Variants in BRDT observed in about 807,000 individuals in gnomAD.
BRDT encodes the protein bromodomain testis associated.
A neutral mutation model predicts 113.9 loss-of-function variants in BRDT; 77 were observed. The observed-to-expected ratio is 0.68, with a 90% confidence interval of 0.56 to 0.82. BRDT has a LOEUF of 0.82. BRDT is among the 40% of genes least tolerant of loss of function. The probability of loss-of-function intolerance (pLI) is 0.00; values close to 1 mark genes in which losing one functional copy is unlikely to be tolerated. For synonymous variants in BRDT, 358 were observed against 366.5 expected (o/e 0.98, Z 0.26); for missense variants, 1,027 against 1,105.4 (o/e 0.93, Z 1.01).
intron 15 of BRDT, among the ~76,000 whole-genome samples, chr1:91,997,910 G>C (rs911029073): frequency 1.3e-5 from 2 of 152,092 alleles, no homozygotes; most frequent in Non-Finnish European, 2.9e-5. Context: ...TAAATTTTTT[G>C]TTAAACCTTA....
At chr1:91,977,841 G>C (rs1366909706) in intron 6 of BRDT, among the ~76,000 whole-genome samples, 1 of 152,082 alleles carries the variant, frequency 6.6e-6, no homozygotes, top group Non-Finnish European at 1.5e-5. Flanking sequence ...CTGCACTCCA[G>C]GCTGGGTGAC....
At chr1:91,973,479 C>T (rs1373789255) in intron 4 of BRDT, among the ~76,000 whole-genome samples, 1 of 152,058 alleles carries the variant, frequency 6.6e-6, no homozygotes, top group Non-Finnish European at 1.5e-5. Flanking sequence ...TTGTAGTTCT[C>T]CTTGAAGAGG....
At chr1:91,957,654 G>A (rs1681934214) in intron 1 of BRDT, 1 of 152,050 alleles carries the variant, frequency 6.6e-6, no homozygotes, top group South Asian at 2.1e-4. Context: ...AACATTAATA[G>A]TTTCCATAGT....
intron 18 of BRDT, among the ~76,000 whole-genome samples, chr1:92,010,244 C>T (rs2101834791): frequency 6.7e-6 from 1 of 148,724 alleles, no homozygotes. Context: ...AAAGTTGCCT[C>T]ATAGCTCACT....
At chr1:92,005,418 C>A in intron 18 of BRDT, 119 bp downstream of exon 18, 1 of 882,222 alleles carries the variant, frequency 1.1e-6, no homozygotes, top group Non-Finnish European at 1.6e-6. Flanking sequence ...GGACTTACCT[C>A]TTTAGTGAGG....
At chr1:91,951,001 C>G (rs2101452935) in intron 1 of BRDT, among the ~76,000 whole-genome samples, 1 of 148,538 alleles carries the variant, frequency 6.7e-6, no homozygotes, top group East Asian at 2.0e-4. Flanking sequence ...GCACTCTAGC[C>G]TGGATGACAG....
At chr1:91,956,884 A>G (rs1474022364) in intron 1 of BRDT, among the ~76,000 whole-genome samples, 2 of 152,194 alleles carry the variant, frequency 1.3e-5, no homozygotes, top group Non-Finnish European at 2.9e-5. Flanking sequence ...GATTGCAGTG[A>G]GCCATGATTG....
At chr1:91,995,285 G>C (rs533313401) in intron 15 of BRDT, among the ~76,000 whole-genome samples, 1 of 152,216 alleles carries the variant, frequency 6.6e-6, no homozygotes, top group African/African-American at 2.4e-5. Flanking sequence ...CCCAAGGGCA[G>C]AGGTATCTCC....
intron 13 of BRDT, 47 bp downstream of exon 13, chr1:91,991,292 C>T (rs755245232): frequency 8.8e-7 from 1 of 1,137,574 alleles, no homozygotes. Flanking sequence ...GTATGTATAA[C>T]TCATGGGTAT....
intron 8 of BRDT, 128 bp downstream of exon 8, chr1:91,979,885 C>A (rs1350442688): frequency 2.8e-6 from 2 of 710,522 alleles, no homozygotes; most frequent in Non-Finnish European, 4.2e-6. Context: ...TACTTATTGG[C>A]AAATTTGTAA....
Position 91,978,226 on chromosome 1 carries a change from T to C in BRDT, c.1028T>C (p.Leu343Ser). 2 of 1,614,088 alleles carry C rather than the reference T, an allele frequency of 1.2e-6. No homozygotes were observed. Among genetic ancestry groups the C allele is most frequent in the South Asian group, 2.2e-5 (2 of 91,074 alleles). ...DAYKFAADVR[L>S]MFMNCYKYNP... ...TACAAATTTGCGGCAGATGTTAGAT[T>C]AATGTTCATGAATTGCTACAAGTAC... Residue 343 changes from leucine to serine, a missense_variant, in exon 7 of 19, where the codon TTA becomes TCA. Leu to Ser is a moderately radical substitution (Grantham distance 145). Transcript: ENST00000399546.
At chr1:91,987,535 G>A (rs1570571569) in intron 12 of BRDT, among the ~76,000 whole-genome samples, 1 of 150,478 alleles carries the variant, frequency 6.6e-6, no homozygotes, top group Non-Finnish European at 1.5e-5. Flanking sequence ...ACGGGGTTTC[G>A]CCATATTGGC....
At chr1:91,999,388 A>C (rs996271058) in intron 15 of BRDT, among the ~76,000 whole-genome samples, 68 of 152,154 alleles carry the variant, frequency 4.5e-4, no homozygotes, top group African/African-American at 1.6e-3. Context: ...AATATTTTTC[A>C]GAGAGTTGGA....
intron 2 of BRDT, among the ~76,000 whole-genome samples, chr1:91,963,384 AT>A (rs566473176): frequency 9.9e-5 from 15 of 152,270 alleles, no homozygotes; most frequent in East Asian, 3.9e-4. Context: ...CCCAATGAGT[AT>A]TTTTTTCCAA....
chr1:91,992,074 C>T (rs1297953339), intron 13 of BRDT, among the ~76,000 whole-genome samples, 190 bp from the exon 14 acceptor site: 1 of 147,230 alleles, frequency 6.8e-6, no homozygotes, highest in Non-Finnish European at 1.5e-5. Flanking sequence ...TTGTCATCCT[C>T]ATATACATTT....
intron 15 of BRDT, among the ~76,000 whole-genome samples, chr1:92,001,711 A>C (rs1427214771): frequency 6.6e-6 from 1 of 151,904 alleles, no homozygotes; most frequent in Non-Finnish European, 1.5e-5. Context: ...AAAAAAAAAA[A>C]CACACCTCTG....
chr1:91,958,008 T>A (rs1357148056), intron 1 of BRDT, among the ~76,000 whole-genome samples: 1 of 151,998 alleles, frequency 6.6e-6, no homozygotes, highest in Non-Finnish European at 1.5e-5. Flanking sequence ...CCTGGCTAAC[T>A]TTTGTATTTT....
At chr1:91,997,309 A>T (rs1686438041) in intron 15 of BRDT, among the ~76,000 whole-genome samples, 1 of 152,184 alleles carries the variant, frequency 6.6e-6, no homozygotes, top group African/African-American at 2.4e-5. Flanking sequence ...GAGTGTAGTG[A>T]ATGTAAAGCA....
chr1:91,978,109 TG>T, intron 6 of BRDT, 58 bp from the exon 7 acceptor site: 2 of 1,459,650 alleles, frequency 1.4e-6, no homozygotes, highest in Non-Finnish European at 1.9e-6. Context: ...TTAATGTACG[TG>T]GTCAAATAAT....
Sources: gnomAD v4.1 joint callset for allele counts (sites outside exome capture counted in the v4.1 genomes callset) on GRCh38, gnomAD v4.1.1 for gene constraint, MANE v1.5 for transcripts, NCBI Gene and HGNC (gene_info 2026-07-23, HGNC 2026-07-21) for gene names.